DENND4A: variants seen among roughly 807,000 people sequenced by gnomAD.
DENND4A encodes the protein C-myc promoter-binding protein.
DENND4A carries 70 observed loss-of-function variants against 199.3 expected under a neutral mutation model. The observed-to-expected ratio is 0.35, with a 90% confidence interval of 0.29 to 0.43. The LOEUF (loss-of-function observed/expected upper bound fraction) is 0.43. Among genes scored for constraint, DENND4A ranks in the 20% least tolerant of loss-of-function variants. The pLI is 1.00. For synonymous variants in DENND4A, 686 were observed against 766.9 expected (o/e 0.89, Z 1.74); for missense variants, 1,723 against 2,255.8 (o/e 0.76, Z 4.78).
intron 1 of DENND4A, among the ~76,000 whole-genome samples, chr15:65,784,020 A>G (rs181927845): frequency 9.1e-4 from 139 of 152,298 alleles, no homozygotes; most frequent in African/African-American, 2.9e-3. Context: ...GAGGTTAACA[A>G]TATCAGTGAT....
chr15:65,786,385 T>C (rs899704557), intron 1 of DENND4A, among the ~76,000 whole-genome samples: 5 of 152,136 alleles, frequency 3.3e-5, no homozygotes, highest in Admixed American at 2.6e-4. Context: ...AGAACATACA[T>C]GTTTTGTTTT....
At chr15:65,729,805 T>C in intron 9 of DENND4A, 127 bp from the exon 10 acceptor site, 1 of 823,920 alleles carries the variant, frequency 1.2e-6, no homozygotes, top group Non-Finnish European at 1.8e-6. Context: ...GGGTACAATT[T>C]GTATTATATA....
At chr15:65,717,199 T>C (rs2075434840) in intron 13 of DENND4A, among the ~76,000 whole-genome samples, 1 of 152,126 alleles carries the variant, frequency 6.6e-6, no homozygotes, top group South Asian at 2.1e-4. Flanking sequence ...ATATATCCAA[T>C]GCCTAGCATT....
chr15:65,673,568 G>A (rs187811023), intron 24 of DENND4A, among the ~76,000 whole-genome samples: 3 of 150,958 alleles, frequency 2.0e-5, no homozygotes, highest in Non-Finnish European at 1.5e-5. Context: ...CACCACCACC[G>A]GGATACAATC....
At chr15:65,771,351 CCA>C (rs1264546317) in intron 1 of DENND4A, 3 of 1,590,964 alleles carry the variant, frequency 1.9e-6, no homozygotes, top group Non-Finnish European at 2.6e-6. Context: ...TAATCTTCCT[CCA>C]CACTCTTTTC....
At chr15:65,698,478 A>C (rs1449227333) in intron 20 of DENND4A, among the ~76,000 whole-genome samples, 1 of 152,110 alleles carries the variant, frequency 6.6e-6, no homozygotes, top group Non-Finnish European at 1.5e-5. Context: ...AATTTGTAAA[A>C]CGTAAGGTTG....
intron 11 of DENND4A, 181 bp downstream of exon 11, chr15:65,728,891 T>C: frequency 1.5e-6 from 1 of 666,632 alleles, no homozygotes; most frequent in Non-Finnish European, 2.7e-6. Flanking sequence ...CCTTCTTTAA[T>C]ACTCTAAATC....
intron 29 of DENND4A, among the ~76,000 whole-genome samples, chr15:65,666,954 T>C (rs2076059122): frequency 6.6e-6 from 1 of 152,138 alleles, no homozygotes; most frequent in Non-Finnish European, 1.5e-5. Flanking sequence ...AAGACTCTTA[T>C]TGCTAGCCTG....
At chr15:65,684,632 G>A (rs573562395) in intron 23 of DENND4A, among the ~76,000 whole-genome samples, 6 of 152,008 alleles carry the variant, frequency 3.9e-5, no homozygotes, top group Non-Finnish European at 7.4e-5. Flanking sequence ...CAGAATTTGC[G>A]TATCTTTTCC....
chr15:65,738,173 T>C (rs1442926870), intron 6 of DENND4A, among the ~76,000 whole-genome samples: 1 of 152,190 alleles, frequency 6.6e-6, no homozygotes, highest in Non-Finnish European at 1.5e-5. Context: ...TGATTAAATT[T>C]ATTTGTTTTA....
chr15:65,689,652 C>T (rs751750446), intron 23 of DENND4A, among the ~76,000 whole-genome samples: 5 of 152,176 alleles, frequency 3.3e-5, no homozygotes, highest in Non-Finnish European at 7.3e-5. Context: ...GATTCCAGTA[C>T]CATGAAACTT....
intron 20 of DENND4A, among the ~76,000 whole-genome samples, chr15:65,699,139 C>G (rs1350791794): frequency 1.3e-5 from 2 of 152,020 alleles, no homozygotes; most frequent in Admixed American, 1.3e-4. Context: ...AATCACACTG[C>G]ATAATCAAGG....
At chr15:65,735,281 G>A (rs554345177) in intron 7 of DENND4A, among the ~76,000 whole-genome samples, 1 of 152,098 alleles carries the variant, frequency 6.6e-6, no homozygotes, top group East Asian at 1.9e-4. Context: ...AGGAGGCTGA[G>A]GCATGAGAAT....
At chr15:65,666,548 C>G (rs2076044091) in intron 29 of DENND4A, among the ~76,000 whole-genome samples, 1 of 152,076 alleles carries the variant, frequency 6.6e-6, no homozygotes, top group Non-Finnish European at 1.5e-5. Flanking sequence ...ACCACAGTTA[C>G]CATGGGTAAC....
chr15:65,685,124 G>A lies in DENND4A; in HGVS notation c.4179+5291C>T, dbSNP rs559162156. 1.9e-3 allele frequency among the ~76,000 whole-genome samples: 281 copies of A among 149,940 alleles called. 1 individual carries two copies. In the Middle Eastern group the frequency reaches 0.021, roughly 11 times the overall value. ...TTACAGGCATGAGCCACCACGCCCC[G>A]CCCACAATTTTTTTTTTTTTGAGAC... On this transcript the variant is annotated intron_variant, in intron 23 of 32. Transcript: ENST00000443035.
At chr15:65,695,632 T>C (rs1261529898) in intron 22 of DENND4A, among the ~76,000 whole-genome samples, 7 of 152,190 alleles carry the variant, frequency 4.6e-5, no homozygotes, top group Middle Eastern at 3.2e-3. Context: ...CAATATTTTT[T>C]ATATTACAAC....
intron 1 of DENND4A, chr15:65,772,083 T>C (rs17816071): frequency 0.12 from 127,581 of 1,080,514 alleles, 8,356 homozygotes; most frequent in Non-Finnish European, 0.14. Context: ...GTTGCCAGCA[T>C]TCAGAGCCTC....
chr15:65,740,565 GT>G (rs1195537435), intron 5 of DENND4A, among the ~76,000 whole-genome samples: 2 of 151,298 alleles, frequency 1.3e-5, no homozygotes, highest in Non-Finnish European at 2.9e-5. Context: ...GGAGTTCAAG[GT>G]TGCAGTGAAC....
At chr15:65,737,177 CT>C (rs1466675149) in intron 7 of DENND4A, among the ~76,000 whole-genome samples, 1 of 152,082 alleles carries the variant, frequency 6.6e-6, no homozygotes, top group African/African-American at 2.4e-5. Context: ...ACTCTTGTGC[CT>C]TGGCCTCCTG....
Sources: gnomAD v4.1 joint callset for allele counts (sites outside exome capture counted in the v4.1 genomes callset) on GRCh38, gnomAD v4.1.1 for gene constraint, MANE v1.5 for transcripts, NCBI Gene and HGNC (gene_info 2026-07-23, HGNC 2026-07-21) for gene names.